The following HS6ST3 variants were observed in gnomAD, a reference collection of about 807,000 sequenced individuals.
HS6ST3 encodes the protein heparan sulfate 6-O-sulfotransferase 3.
HS6ST3 carries 12 observed loss-of-function variants against 36.7 expected under a neutral mutation model. That is an observed-to-expected ratio of 0.33 (90% CI 0.21 to 0.53). HS6ST3 has a LOEUF of 0.53. HS6ST3 is among the 20% of genes least tolerant of loss of function. HS6ST3 has a pLI of 0.95. For synonymous variants in HS6ST3, 240 were observed against 257.5 expected (o/e 0.93, Z 0.65); for missense variants, 584 against 640.9 (o/e 0.91, Z 0.96).
intron 1 of HS6ST3, among the ~76,000 whole-genome samples, chr13:96,662,183 T>C (rs1446747589): frequency 6.6e-6 from 1 of 152,200 alleles, no homozygotes; most frequent in Non-Finnish European, 1.5e-5. Flanking sequence ...TTTCCTCAAA[T>C]AGGCTTTCCA....
chr13:96,199,568 AG>A (rs1308368125), intron 1 of HS6ST3, among the ~76,000 whole-genome samples: 1 of 152,226 alleles, frequency 6.6e-6, no homozygotes, highest in East Asian at 1.9e-4. Context: ...TAAAGAAATG[AG>A]GACCATTAAA....
intron 1 of HS6ST3, among the ~76,000 whole-genome samples, chr13:96,676,449 A>G (rs1851239209): frequency 6.6e-6 from 1 of 152,156 alleles, no homozygotes; most frequent in East Asian, 1.9e-4. Flanking sequence ...TGACATACCC[A>G]GTACAACGTT....
At chr13:96,608,762 A>G (rs181783772) in intron 1 of HS6ST3, among the ~76,000 whole-genome samples, 1 of 152,264 alleles carries the variant, frequency 6.6e-6, no homozygotes, top group South Asian at 2.1e-4. Context: ...AAACACAATT[A>G]AAGTTAGGTA....
At chr13:96,523,446 T>G (rs751625008) in intron 1 of HS6ST3, among the ~76,000 whole-genome samples, 18 of 152,198 alleles carry the variant, frequency 1.2e-4, no homozygotes, top group Non-Finnish European at 1.9e-4. Context: ...CTGGGTAATA[T>G]CCTGAAGAGC....
chr13:96,185,310 T>C (rs1271667664), intron 1 of HS6ST3, among the ~76,000 whole-genome samples: 1 of 152,242 alleles, frequency 6.6e-6, no homozygotes, highest in African/African-American at 2.4e-5. Context: ...TTTTTCTCCT[T>C]ATTGTTTGTA....
chr13:96,359,998 T>C (rs2055229552), intron 1 of HS6ST3, among the ~76,000 whole-genome samples: 2 of 152,042 alleles, frequency 1.3e-5, no homozygotes, highest in South Asian at 4.2e-4. Flanking sequence ...CATGGGGAAG[T>C]TGGAGAAGTG....
intron 1 of HS6ST3, among the ~76,000 whole-genome samples, chr13:96,341,300 G>T (rs1347824329): frequency 6.6e-6 from 1 of 152,070 alleles, no homozygotes; most frequent in African/African-American, 2.4e-5. Flanking sequence ...ATTGGGAGGG[G>T]CTCGTATTTC....
At chr13:96,331,791 C>T (rs1484931290) in intron 1 of HS6ST3, among the ~76,000 whole-genome samples, 1 of 152,144 alleles carries the variant, frequency 6.6e-6, no homozygotes, top group Admixed American at 6.5e-5. Context: ...TCGCTGCCGC[C>T]TTGCAGTTTG....
intron 1 of HS6ST3, among the ~76,000 whole-genome samples, chr13:96,352,281 G>C (rs1294708081): frequency 6.6e-6 from 1 of 152,168 alleles, no homozygotes; most frequent in Non-Finnish European, 1.5e-5. Flanking sequence ...CAGTTTTGTT[G>C]GATGGTTCTG....
chr13:96,265,322 G>A (rs1398772018), intron 1 of HS6ST3, among the ~76,000 whole-genome samples: 2 of 151,950 alleles, frequency 1.3e-5, no homozygotes, highest in Admixed American at 6.6e-5. Context: ...CTACAGGCAC[G>A]TAACACCATG....
Position 96,836,395 on chromosome 13 carries a change from GC to G in HS6ST3, c.*3198del, listed in dbSNP as rs1407508641. 6.6e-6 allele frequency: 1 copy of G among 152,092 alleles called. No homozygotes were observed. Among genetic ancestry groups the G allele is most frequent in the Non-Finnish European group, 1.5e-5 (1 of 68,026 alleles). The allele number at this position is 152,092 out of a possible 1,614,324, so 9.4% of individuals were successfully genotyped here. On this transcript the variant is annotated 3_prime_UTR_variant, in exon 2 of 2. Transcript: ENST00000376705. Reference sequence around the variant, plus strand: ...CACTTATCTATTCTGTCTCCTTCTAGCTTTTAGGCAGCCTACTCTTGGAAAC... The same window carrying G: ...CACTTATCTATTCTGTCTCCTTCTAGTTTTAGGCAGCCTACTCTTGGAAAC...
chr13:96,694,629 A>G (rs1190228737), intron 1 of HS6ST3, among the ~76,000 whole-genome samples: 1 of 152,174 alleles, frequency 6.6e-6, no homozygotes, highest in Non-Finnish European at 1.5e-5. Flanking sequence ...GTTTTCCACC[A>G]TGGTTGAACT....
chr13:96,121,004 GA>G (rs2053922921), intron 1 of HS6ST3, among the ~76,000 whole-genome samples: 1 of 152,160 alleles, frequency 6.6e-6, no homozygotes, highest in African/African-American at 2.4e-5. Context: ...GGCTGGATAG[GA>G]AAAGTGCCTA....
At chr13:96,267,542 T>TTGAGGCAAAACCAAAGGAAGTTAGCA (rs2054698401) in intron 1 of HS6ST3, among the ~76,000 whole-genome samples, 3 of 152,162 alleles carry the variant, frequency 2.0e-5, no homozygotes, top group African/African-American at 4.8e-5. Context: ...ATGTCCTTTG[T>TTGAGGCAAAACCAAAGGAAGTTAGCA]GTTATTAAAA....
intron 1 of HS6ST3, among the ~76,000 whole-genome samples, chr13:96,156,686 G>A (rs961569588): frequency 6.6e-6 from 1 of 152,078 alleles, no homozygotes; most frequent in African/African-American, 2.4e-5. Flanking sequence ...GAGACTTTGG[G>A]TTTGTTTCTT....
chr13:96,215,939 T>C (rs1248695255), intron 1 of HS6ST3, among the ~76,000 whole-genome samples: 1 of 152,252 alleles, frequency 6.6e-6, no homozygotes, highest in African/African-American at 2.4e-5. Flanking sequence ...TTGGTAGTTG[T>C]TGCTGTTATC....
intron 1 of HS6ST3, among the ~76,000 whole-genome samples, chr13:96,497,188 A>T (rs913508807): frequency 1.1e-4 from 16 of 152,140 alleles, no homozygotes; most frequent in Non-Finnish European, 8.8e-5. Context: ...AAAGGGAGCC[A>T]GTGGTAGATA....
chr13:96,311,132 C>T (rs979927604), intron 1 of HS6ST3, among the ~76,000 whole-genome samples: 1 of 152,124 alleles, frequency 6.6e-6, no homozygotes, highest in African/African-American at 2.4e-5. Flanking sequence ...CTATAAAATA[C>T]CACCATGCTA....
chr13:96,803,527 CTT>C (rs1192286121), intron 1 of HS6ST3, among the ~76,000 whole-genome samples: 1 of 152,188 alleles, frequency 6.6e-6, no homozygotes, highest in African/African-American at 2.4e-5. Context: ...GTGAGAATGA[CTT>C]TGCACAAATT....
Sources: allele counts gnomAD v4.1 joint callset (sites outside exome capture counted in the v4.1 genomes callset), GRCh38; gene constraint gnomAD v4.1.1; transcripts MANE v1.5; gene names NCBI Gene and HGNC (gene_info 2026-07-23, HGNC 2026-07-21).